The following FHIT variants were observed in gnomAD, a reference collection of about 807,000 sequenced individuals.
The protein encoded by FHIT is bis(5'-adenosyl)-triphosphatase.
A neutral mutation model predicts 17.9 loss-of-function variants in FHIT; 19 were observed. That is an observed-to-expected ratio of 1.06 (90% CI 0.74 to 1.56). The LOEUF (loss-of-function observed/expected upper bound fraction) is 1.56, where lower values mean the gene tolerates loss of function less well. Among genes scored for constraint, FHIT ranks in the 40% most tolerant of loss-of-function variants. The pLI, the probability that FHIT is intolerant of heterozygous loss-of-function variation, is 0.00. For synonymous variants in FHIT, 81 were observed against 69.7 expected, an observed-to-expected ratio of 1.16 and a Z score of -0.81; for missense variants, 248 against 189.2, an observed-to-expected ratio of 1.31 and a Z score of -1.82.
chr3:60,571,200 G>T (rs1347510903), intron 4 of FHIT, among the ~76,000 whole-genome samples: 1 of 151,676 alleles, frequency 6.6e-6, no homozygotes, highest in Non-Finnish European at 1.5e-5. Context: ...GCCAGGCTTG[G>T]TGATGTGCGC....
intron 2 of FHIT, among the ~76,000 whole-genome samples, chr3:61,197,091 C>T (rs12053817): frequency 0.44 from 66,256 of 152,038 alleles, 15,424 homozygotes; most frequent in East Asian, 0.87. Context: ...GTTGTTTAAT[C>T]TGTCTCTTTT....
At chr3:61,130,037 G>T (rs756873979) in intron 2 of FHIT, among the ~76,000 whole-genome samples, 1 of 152,108 alleles carries the variant, frequency 6.6e-6, no homozygotes, top group South Asian at 2.1e-4. Context: ...TACATTCTAG[G>T]CTGTGTGCTA....
intron 5 of FHIT, among the ~76,000 whole-genome samples, chr3:60,113,467 G>A (rs1369863860): frequency 1.3e-5 from 2 of 151,784 alleles, no homozygotes; most frequent in African/African-American, 4.9e-5. Context: ...CTACTAACTG[G>A]TTAGTCTTTT....
intron 3 of FHIT, among the ~76,000 whole-genome samples, chr3:61,019,910 G>C (rs956430952): frequency 3.9e-5 from 6 of 151,934 alleles, no homozygotes; most frequent in African/African-American, 1.5e-4. Flanking sequence ...TACATGTGTA[G>C]AACGTGCGGG....
At chr3:60,716,538 AG>A (rs1218292843) in intron 4 of FHIT, among the ~76,000 whole-genome samples, 3 of 152,118 alleles carry the variant, frequency 2.0e-5, no homozygotes, top group Non-Finnish European at 2.9e-5. Context: ...ACAGGCATGA[AG>A]TTCTTACCTC....
At chr3:60,860,295 G>C (rs200963115) in intron 3 of FHIT, among the ~76,000 whole-genome samples, 62 of 54,714 alleles carry the variant, frequency 1.1e-3, no homozygotes, top group East Asian at 0.01. Flanking sequence ...GTATACATGA[G>C]ATACATCATA....
rs189281450 is a variant in FHIT, at chr3:60,620,019, A to G, written c.-17-83040T>C. On this transcript the variant is annotated intron_variant, in intron 4 of 9. Transcript: ENST00000492590. ...AAAAGACTTGAACAGACACCTCACC[A>G]AAAAATACATACAGATGGAATACAG... 1.2e-3 allele frequency among the ~76,000 whole-genome samples: 184 copies of G among 152,312 alleles called. 1 individual carries two copies. Among genetic ancestry groups the G allele is most frequent in the African/African-American group, 4.4e-3 (182 of 41,570 alleles).
At chr3:60,782,237 G>GTATATATATATATATATATATATATATA (rs11272366) in intron 4 of FHIT, among the ~76,000 whole-genome samples, 6 of 95,538 alleles carry the variant, frequency 6.3e-5, no homozygotes, top group African/African-American at 1.4e-4. Context: ...GTGTGTGTGT[G>GTATATATATATATATATATATATATATA]TATATATATA....
chr3:61,226,971 T>A (rs983483190), intron 1 of FHIT, among the ~76,000 whole-genome samples: 1 of 152,116 alleles, frequency 6.6e-6, no homozygotes. Flanking sequence ...GAGATTAATG[T>A]AATGAAGCCT....
At chr3:60,742,266 G>A (rs188988472) in intron 4 of FHIT, among the ~76,000 whole-genome samples, 1 of 152,288 alleles carries the variant, frequency 6.6e-6, no homozygotes, top group Admixed American at 6.5e-5. Context: ...CAATAGTCCA[G>A]CTTGCAAAAC....
At chr3:59,838,022 C>A (rs1701399649) in intron 8 of FHIT, among the ~76,000 whole-genome samples, 2 of 152,112 alleles carry the variant, frequency 1.3e-5, no homozygotes, top group African/African-American at 4.8e-5. Context: ...CATCTCCCAT[C>A]CTCTCTCTCA....
intron 7 of FHIT, among the ~76,000 whole-genome samples, chr3:59,995,517 T>G (rs1311864528): frequency 1.3e-5 from 2 of 152,126 alleles, no homozygotes; most frequent in Non-Finnish European, 2.9e-5. Context: ...TTTCTGTTAT[T>G]GTAAACTTAA....
intron 5 of FHIT, among the ~76,000 whole-genome samples, chr3:60,219,924 C>T (rs1397618294): frequency 1.3e-5 from 2 of 152,144 alleles, no homozygotes; most frequent in Admixed American, 1.3e-4. Flanking sequence ...GTAAATATTT[C>T]AGTCAACTTG....
chr3:60,676,017 C>T (rs1408856751), intron 4 of FHIT, among the ~76,000 whole-genome samples: 5 of 152,164 alleles, frequency 3.3e-5, no homozygotes, highest in African/African-American at 1.2e-4. Flanking sequence ...CAAGCTGCAA[C>T]TTACGTATAT....
chr3:60,137,253 T>G (rs1285755934), intron 5 of FHIT, among the ~76,000 whole-genome samples: 1 of 152,154 alleles, frequency 6.6e-6, no homozygotes, highest in Admixed American at 6.5e-5. Flanking sequence ...CTTGGAAGAA[T>G]AATTAATGAC....
At chr3:60,841,068 C>T (rs1702711467) in intron 3 of FHIT, among the ~76,000 whole-genome samples, 1 of 152,110 alleles carries the variant, frequency 6.6e-6, no homozygotes, top group South Asian at 2.1e-4. Flanking sequence ...TGTTTCGGGT[C>T]ATTATTTTAT....
intron 4 of FHIT, among the ~76,000 whole-genome samples, chr3:60,697,646 A>T (rs1343443466): frequency 6.6e-6 from 1 of 152,180 alleles, no homozygotes; most frequent in Non-Finnish European, 1.5e-5. Context: ...ACAGGAAAAT[A>T]AACCACAGAT....
chr3:60,302,989 G>A (rs113942759), intron 5 of FHIT, among the ~76,000 whole-genome samples: 6 of 152,040 alleles, frequency 3.9e-5, no homozygotes, highest in Admixed American at 1.3e-4. Flanking sequence ...TCCCCTGTTC[G>A]TCACAGTTAT....
chr3:59,851,745 G>C (rs962005784), intron 8 of FHIT, among the ~76,000 whole-genome samples: 1 of 152,138 alleles, frequency 6.6e-6, no homozygotes, highest in Non-Finnish European at 1.5e-5. Flanking sequence ...AATTTACCTT[G>C]ATCCCCAGTG....
Sources: gnomAD v4.1 joint callset for allele counts (sites outside exome capture counted in the v4.1 genomes callset) on GRCh38, gnomAD v4.1.1 for gene constraint, MANE v1.5 for transcripts, NCBI Gene and HGNC (gene_info 2026-07-23, HGNC 2026-07-21) for gene names.